The following STEAP4 variants were observed in gnomAD, a reference collection of about 807,000 sequenced individuals.
The protein encoded by STEAP4 is metalloreductase STEAP4.
In STEAP4, 36 loss-of-function variants were observed where a neutral mutation model predicts 43.6. That is an observed-to-expected ratio of 0.83 (90% CI 0.63 to 1.09). STEAP4 has a LOEUF of 1.09. Among genes scored for constraint, STEAP4 ranks in the 50% least tolerant of loss-of-function variants. The pLI is 0.00. For synonymous variants in STEAP4, 191 were observed against 196.7 expected (o/e 0.97, Z 0.24); for missense variants, 495 against 546.5 (o/e 0.91, Z 0.94).
chr7:88,294,427 T>A (rs1852893078), intron 1 of STEAP4, among the ~76,000 whole-genome samples: 3 of 152,160 alleles, frequency 2.0e-5, no homozygotes, highest in Admixed American at 2.0e-4. Flanking sequence ...TCCAAAACAT[T>A]TCTGGTCCCA....
intron 1 of STEAP4, chr7:88,304,438 CA>C (rs1478138534): frequency 6.6e-6 from 1 of 152,044 alleles, no homozygotes; most frequent in Non-Finnish European, 1.5e-5. Flanking sequence ...AACAAAAAAA[CA>C]AACAAACAAA....
intron 1 of STEAP4, among the ~76,000 whole-genome samples, chr7:88,291,655 G>A (rs1852836393): frequency 6.6e-6 from 1 of 152,082 alleles, no homozygotes; most frequent in South Asian, 2.1e-4. Flanking sequence ...ATACGTTCAT[G>A]GAGGTTCCTT....
chr7:88,299,349 T>G (rs1852989098), intron 1 of STEAP4, among the ~76,000 whole-genome samples: 1 of 152,194 alleles, frequency 6.6e-6, no homozygotes, highest in Admixed American at 6.5e-5. Flanking sequence ...GTTTATCTGA[T>G]TAAAGCCCAG....
chr7:88,295,151 C>T (rs551494765), intron 1 of STEAP4, among the ~76,000 whole-genome samples: 1 of 152,126 alleles, frequency 6.6e-6, no homozygotes, highest in East Asian at 1.9e-4. Flanking sequence ...TGCTGGGATC[C>T]GTCATTAGAT....
At chr7:88,290,932 C>A (rs1313124848) in intron 1 of STEAP4, 1 of 152,114 alleles carries the variant, frequency 6.6e-6, no homozygotes, top group Non-Finnish European at 1.5e-5. Context: ...GCAAGTCGAC[C>A]ACTTTCAGAT....
intron 1 of STEAP4, among the ~76,000 whole-genome samples, chr7:88,291,826 C>G (rs1220378333): frequency 6.6e-6 from 1 of 152,172 alleles, no homozygotes; most frequent in South Asian, 2.1e-4. Context: ...TCCTCTCCTT[C>G]CTTCAGTCTC....
Position 88,276,853 on chromosome 7 carries a change from CCAT to C in STEAP4, c.*2542_*2544del. On this transcript the variant is annotated 3_prime_UTR_variant, in exon 5 of 5. Coordinates refer to ENST00000380079, the MANE Select transcript of STEAP4 (RefSeq NM_024636.4). ...TGGAAATGCAGCTATTATGCCAAAA[CCAT>C]CAGAGTGCTCTTTAGCTTCAGGCTT... 6.6e-6 allele frequency: 1 copy of C among 152,598 alleles called. No homozygotes were observed. Among genetic ancestry groups the C allele is most frequent in the East Asian group, 1.9e-4 (1 of 5,186 alleles). 9.5% of individuals were successfully genotyped at this position (152,598 alleles called of 1,614,324 possible). A position where few individuals can be genotyped will look rare whatever the true frequency, so the allele number is the denominator to read the frequency against.
intron 1 of STEAP4, among the ~76,000 whole-genome samples, chr7:88,284,636 A>G (rs931240704): frequency 2.0e-5 from 3 of 152,186 alleles, no homozygotes; most frequent in African/African-American, 7.2e-5. Context: ...AGCAAACACA[A>G]TCCAGCAGCT....
At position 88,284,003 on chromosome 7, in the gene STEAP4, G is replaced by A. The variant is rs372531223; in HGVS notation, c.267C>T (p.Leu89=). ...CATTGAGAACCTCAGTTAATTCTGT[G>A]AGAAAATCATAATGCTCTCTGTGGA... ...IAIHREHYDF[L]TELTEVLNGK... The change falls in exon 2 of 5, where the codon CTC becomes CTT. Residue 89 remains leucine, a synonymous_variant. Transcript: ENST00000380079. The A allele has an allele frequency of 3.1e-6, 5 of 1,614,032 alleles. No individual in the cohort carries two copies. The highest frequency in any genetic ancestry group is 4.2e-6 in the Non-Finnish European group (5 of 1,180,034).
intron 3 of STEAP4, chr7:88,282,147 C>CTTTTTTTTTTTTTT (rs202221497): frequency 6.9e-6 from 1 of 145,142 alleles, no homozygotes; most frequent in Non-Finnish European, 1.5e-5. Flanking sequence ...TTTTTTCTTT[C>CTTTTTTTTTTTTTT]TTTTTTTTTT....
At chr7:88,279,738 T>C (rs1026000068) in intron 4 of STEAP4, 110 bp from the exon 5 acceptor site, 3 of 896,092 alleles carry the variant, frequency 3.3e-6, no homozygotes, top group African/African-American at 1.7e-5. Context: ...TTGAGACCTA[T>C]AATGTTTAGG....
chr7:88,293,591 C>G (rs1311757829), intron 1 of STEAP4, among the ~76,000 whole-genome samples: 4 of 152,040 alleles, frequency 2.6e-5, no homozygotes, highest in Non-Finnish European at 5.9e-5. Flanking sequence ...AGTCTATGAT[C>G]CATTTTAAGT....
At position 88,272,601 on chromosome 7, in the gene STEAP4, T is replaced by A. The variant is rs920497310; in HGVS notation, c.*6797A>T. 6.6e-6 allele frequency: 1 copy of A among 152,174 alleles called. No individual in the cohort carries two copies. The highest frequency in any genetic ancestry group is 1.5e-5 in the Non-Finnish European group (1 of 68,052). The allele number at this position is 152,174 out of a possible 1,614,324, so 9.4% of individuals were successfully genotyped here. ...TCTGTGATAAATTCAGAAATTGGGG[T>A]GAAAAGTTTAGAAACTTTTATGGCA... On this transcript the variant is annotated 3_prime_UTR_variant, in exon 5 of 5. Transcript: ENST00000380079.
rs964705018 is a variant in STEAP4 at position 88,280,822 on chromosome 7, G to A, written c.1149+93C>T. On this transcript the variant is annotated intron_variant, in intron 4 of 4. Coordinates refer to ENST00000380079, the MANE Select transcript of STEAP4 (RefSeq NM_024636.4). ...TTATGGATTCTGCCTTTTGTACCTG[G>A]GTTCAACATTTTCTAATTTGAATTT... is the stretch of plus-strand genomic sequence containing the variant. The A allele has an allele frequency of 6.2e-6, 8 of 1,292,356 alleles. No individual in the cohort carries two copies. In the African/African-American group the frequency reaches 1.2e-4, roughly 20 times the overall value. The allele number at this position is 1,292,356 out of a possible 1,614,324, so 80.1% of individuals were successfully genotyped here.
chr7:88,286,003 C>T (rs375952982), intron 1 of STEAP4, among the ~76,000 whole-genome samples: 9 of 152,062 alleles, frequency 5.9e-5, no homozygotes, highest in Admixed American at 2.0e-4. Flanking sequence ...ATGAGAGTCC[C>T]GAAAGTTTTT....
Position 88,282,677 on chromosome 7 carries a change from A to C in STEAP4, c.948T>G (p.Tyr316Ter). 1.2e-6 allele frequency: 2 copies of C among 1,614,126 alleles called. No individual in the cohort carries two copies. Among genetic ancestry groups the C allele is most frequent in the Non-Finnish European group, 1.7e-6 (2 of 1,180,002 alleles). The change falls in exon 3 of 5, where the codon TAT becomes TAG. Residue 316 changes from tyrosine to a stop codon, truncating the protein, a stop_gained. Coordinates refer to ENST00000380079, the MANE Select transcript of STEAP4 (RefSeq NM_024636.4). LOFTEE classifies it high-confidence loss of function. ...LYTLVIPIRY[Y>*]VRWRLGNLTV... Reference sequence around the variant, plus strand: ...TTAAGTTTCCCAATCTCCATCGTACATAATATCGAATAGGAATCACAAGTG... The same window carrying C: ...TTAAGTTTCCCAATCTCCATCGTACCTAATATCGAATAGGAATCACAAGTG...
intron 1 of STEAP4, among the ~76,000 whole-genome samples, chr7:88,297,448 C>T (rs1269580978): frequency 6.6e-6 from 1 of 152,014 alleles, no homozygotes; most frequent in Non-Finnish European, 1.5e-5. Flanking sequence ...TAAATCTCTC[C>T]AAGGAGGTGC....
At chr7:88,301,532 C>T (rs1399936415) in intron 1 of STEAP4, among the ~76,000 whole-genome samples, 1 of 152,162 alleles carries the variant, frequency 6.6e-6, no homozygotes, top group African/African-American at 2.4e-5. Context: ...CTACCTCAGC[C>T]TCCTAAAGTG....
At chr7:88,296,690 GA>G (rs566910957) in intron 1 of STEAP4, among the ~76,000 whole-genome samples, 71 of 151,948 alleles carry the variant, frequency 4.7e-4, no homozygotes, top group African/African-American at 1.5e-3. Flanking sequence ...GGGACAATTA[GA>G]AAGCAAAAAA....
Sources: gnomAD v4.1 joint callset for allele counts (sites outside exome capture counted in the v4.1 genomes callset) on GRCh38, gnomAD v4.1.1 for gene constraint, MANE v1.5 for transcripts, NCBI Gene and HGNC (gene_info 2026-07-23, HGNC 2026-07-21) for gene names.